The following RAB3B variants were observed in gnomAD, a reference collection of about 807,000 sequenced individuals.
RAB3B encodes the protein ras-related protein Rab-3B.
Under a neutral mutation model 20.5 loss-of-function variants are expected in RAB3B, and 11 were observed. The ratio of observed to expected loss-of-function variants is 0.54; its 90% confidence interval spans 0.34 to 0.89. RAB3B has a LOEUF of 0.89. Among genes scored for constraint, RAB3B ranks in the 40% least tolerant of loss-of-function variants. The pLI is 0.02. For missense variants in RAB3B, 225 were observed against 280.9 expected (o/e 0.80, Z 1.42); for synonymous variants, 99 against 106.3 (o/e 0.93, Z 0.42).
Position 51,919,967 on chromosome 1 carries a change from G to C in RAB3B, c.620C>G (p.Ser207Trp). The change falls in exon 5 of 5, where the codon TCG becomes TGG. Residue 207 changes from serine to tryptophan, a missense_variant. By Grantham distance (177) the Ser-to-Trp change is radical. Transcript: ENST00000371655. ...MLGSSKNTRL[S>W]DTPPLLQQNC... ...CTGCTGCAGCAGCGGTGGGGTGTCC[G>C]AGAGACGCGTGTTCTTGGAGGAGCC... The C allele has an allele frequency of 6.2e-7, 1 of 1,613,996 alleles. No individual in the cohort carries two copies. Among genetic ancestry groups the C allele is most frequent in the Non-Finnish European group, 8.5e-7 (1 of 1,179,952 alleles).
chr1:51,957,996 C>G (rs1684733693), intron 2 of RAB3B, among the ~76,000 whole-genome samples: 2 of 152,220 alleles, frequency 1.3e-5, no homozygotes, highest in South Asian at 4.1e-4. Flanking sequence ...GGTCCAACCT[C>G]AGAATTGCCA....
intron 1 of RAB3B, among the ~76,000 whole-genome samples, chr1:51,983,076 G>A (rs1047805676): frequency 2.0e-5 from 3 of 151,968 alleles, no homozygotes; most frequent in African/African-American, 7.3e-5. Flanking sequence ...TATTATGCCT[G>A]GGTGCAGTGG....
intron 3 of RAB3B, among the ~76,000 whole-genome samples, chr1:51,935,456 A>G (rs1684386446): frequency 1.3e-5 from 2 of 152,170 alleles, no homozygotes; most frequent in Admixed American, 1.3e-4. Context: ...ATAGACCCTC[A>G]GTCTTCAGAC....
chr1:51,988,907 C>T (rs1173509474), intron 1 of RAB3B, among the ~76,000 whole-genome samples: 1 of 151,956 alleles, frequency 6.6e-6, no homozygotes, highest in Non-Finnish European at 1.5e-5. Flanking sequence ...GATAGGAACA[C>T]ACTTTCCTCC....
At position 51,937,323 on chromosome 1, in the gene RAB3B, A is replaced by T. The variant is rs1263228155; in HGVS notation, c.318T>A (p.Asn106Lys). Residue 106 changes from asparagine (N) to lysine (K), a missense_variant, in exon 3 of 5, where the codon AAT (asparagine) becomes AAA (lysine). Coordinates refer to ENST00000371655, the MANE Select transcript of RAB3B (RefSeq NM_002867.4). ...MGFILMYDIT[N>K]EESFNAVQDW... Reference sequence around the variant, plus strand: ...CTTGGACAGCATTGAAGGACTCTTCATTGGTGATGTCATACATCAGAATGA... The same window carrying T: ...CTTGGACAGCATTGAAGGACTCTTCTTTGGTGATGTCATACATCAGAATGA... The T allele has an allele frequency of 1.2e-6, 2 of 1,612,504 alleles. No individual in the cohort carries two copies. The highest frequency in any genetic ancestry group is 1.7e-6 in the Non-Finnish European group (2 of 1,179,006).
At chr1:51,924,197 TG>T (rs1684212429) in intron 4 of RAB3B, among the ~76,000 whole-genome samples, 1 of 152,146 alleles carries the variant, frequency 6.6e-6, no homozygotes, top group Non-Finnish European at 1.5e-5. Context: ...AGCACGGTGC[TG>T]GGCATTGGGG....
chr1:51,972,693 C>G (rs1292661316), intron 2 of RAB3B, among the ~76,000 whole-genome samples: 1 of 152,056 alleles, frequency 6.6e-6, no homozygotes, highest in African/African-American at 2.4e-5. Context: ...GGAAAGGCCA[C>G]AAGAACACAG....
intron 2 of RAB3B, among the ~76,000 whole-genome samples, chr1:51,967,324 T>G (rs1334496904): frequency 1.3e-5 from 2 of 150,788 alleles, no homozygotes; most frequent in South Asian, 2.1e-4. Flanking sequence ...AAAAAATAAA[T>G]TAATTAATTA....
intron 1 of RAB3B, chr1:51,980,430 A>C (rs80211476): frequency 5.7e-6 from 1 of 175,830 alleles, no homozygotes; most frequent in East Asian, 1.5e-4. Context: ...TGTCTCTACC[A>C]AAAAAAAAAA....
intron 1 of RAB3B, among the ~76,000 whole-genome samples, chr1:51,980,293 T>C (rs116628488): frequency 0.011 from 1,721 of 152,098 alleles, 50 homozygotes; most frequent in African/African-American, 0.04. Context: ...CCAGCCGTGG[T>C]GGCACACATC....
intron 1 of RAB3B, among the ~76,000 whole-genome samples, chr1:51,981,944 A>T (rs1037701473): frequency 1.3e-5 from 2 of 152,206 alleles, no homozygotes; most frequent in Non-Finnish European, 2.9e-5. Flanking sequence ...GTATTTACTT[A>T]CTACACTTTT....
intron 1 of RAB3B, among the ~76,000 whole-genome samples, chr1:51,989,785 A>C (rs1685198639): frequency 6.7e-6 from 1 of 149,192 alleles, no homozygotes; most frequent in African/African-American, 2.5e-5. Context: ...CCATTCTCCC[A>C]AGCTTCCCGC....
intron 2 of RAB3B, among the ~76,000 whole-genome samples, chr1:51,949,054 A>G (rs1557969320): frequency 6.6e-6 from 1 of 152,200 alleles, no homozygotes; most frequent in Non-Finnish European, 1.5e-5. Flanking sequence ...CAAAGCCTAC[A>G]AGATGGAGTC....
chr1:51,987,622 AAATGTTACATGATT>A (rs1441052421), intron 1 of RAB3B, among the ~76,000 whole-genome samples: 1 of 152,222 alleles, frequency 6.6e-6, no homozygotes, highest in African/African-American at 2.4e-5. Context: ...CCTTGGCAAG[AAATGTTACATGATT>A]AAGACAGTTT....
intron 2 of RAB3B, among the ~76,000 whole-genome samples, chr1:51,956,730 G>T (rs1684711426): frequency 6.6e-6 from 1 of 152,114 alleles, no homozygotes. Flanking sequence ...TGTATGACTC[G>T]CATTTCCTCC....
intron 2 of RAB3B, among the ~76,000 whole-genome samples, chr1:51,944,855 AT>A (rs1194175020): frequency 1.3e-5 from 2 of 152,234 alleles, no homozygotes; most frequent in African/African-American, 4.8e-5. Flanking sequence ...AGAATATGAC[AT>A]AAACATAGTT....
intron 2 of RAB3B, among the ~76,000 whole-genome samples, chr1:51,952,790 C>T (rs1334458773): frequency 6.6e-6 from 1 of 152,076 alleles, no homozygotes; most frequent in Non-Finnish European, 1.5e-5. Flanking sequence ...AAAAACATGA[C>T]ATCACCCCCA....
intron 4 of RAB3B, 27 bp downstream of exon 4, chr1:51,933,291 A>T: frequency 1.2e-6 from 2 of 1,611,460 alleles, no homozygotes; most frequent in Non-Finnish European, 1.7e-6. Context: ...AAATGCACAC[A>T]TGCACATACA....
chr1:51,912,542 T>TAAAAAAA lies in RAB3B; in HGVS notation c.*7378_*7384dup, dbSNP rs61590258. On this transcript the variant is annotated 3_prime_UTR_variant, in exon 5 of 5. Coordinates refer to ENST00000371655, the MANE Select transcript of RAB3B (RefSeq NM_002867.4). Reference sequence around the variant, plus strand: ...GGCAACATAGCAAGACCGTCTCTATTAAAAAAAAAAAAATATATATATATA... The same window carrying TAAAAAAA: ...GGCAACATAGCAAGACCGTCTCTATTAAAAAAAAAAAAAAAAAAAATATATATATATA... The TAAAAAAA allele has an allele frequency of 8.6e-3, 55 of 6,384 alleles. 10 individuals are homozygous for TAAAAAAA. Among genetic ancestry groups the TAAAAAAA allele is most frequent in the East Asian group, 0.033 (2 of 60 alleles). The allele number at this position is 6,384 out of a possible 1,614,324, so 0.4% of individuals were successfully genotyped here. A position where few individuals can be genotyped will look rare whatever the true frequency, so the allele number is the denominator to read the frequency against.
Sources: gnomAD v4.1 joint callset for allele counts (sites outside exome capture counted in the v4.1 genomes callset) on GRCh38, gnomAD v4.1.1 for gene constraint, MANE v1.5 for transcripts, NCBI Gene and HGNC (gene_info 2026-07-23, HGNC 2026-07-21) for gene names.